PITPNM3: variants seen among roughly 807,000 people sequenced by gnomAD.
PITPNM3 encodes the protein PITPNM family member 3.
In PITPNM3, 26 loss-of-function variants were observed where a neutral mutation model predicts 102.0. That is an observed-to-expected ratio of 0.25 (90% CI 0.19 to 0.35). The LOEUF (loss-of-function observed/expected upper bound fraction) is 0.35, where lower values mean the gene tolerates loss of function less well. Ranked by LOEUF, PITPNM3 falls within the 10% of genes least tolerant of loss-of-function variation. The pLI is 1.00. For missense variants in PITPNM3, 1,083 were observed against 1,346.1 expected (o/e 0.80, Z 3.06); for synonymous variants, 578 against 558.6 (o/e 1.03, Z -0.49).
In PITPNM3 at chr17:6,472,846, C is replaced by T. The variant is rs767694829; in HGVS notation, c.1259-19G>A. ...TGGAAGCCTGGGGTGAGTGGGAAGA[C>T]AGAGGGAAGCCACTTTCTAGTACCT... On this transcript the variant is annotated intron_variant, in intron 10 of 19. Coordinates refer to ENST00000262483, the MANE Select transcript of PITPNM3 (RefSeq NM_031220.4). The surrounding 1 kb of genome is among the most constrained non-coding windows in gnomAD (Gnocchi z 4.1). The T allele has an allele frequency of 2.5e-6, 4 of 1,613,494 alleles. No individual in the cohort carries two copies. Among genetic ancestry groups the T allele is most frequent in the Non-Finnish European group, 3.4e-6 (4 of 1,179,776 alleles).
At chr17:6,550,873 G>A (rs917161725) in intron 1 of PITPNM3, among the ~76,000 whole-genome samples, 1 of 152,226 alleles carries the variant, frequency 6.6e-6, no homozygotes. Context: ...GAACCTCTCT[G>A]TTTGAGCTGC....
rs745742678 is a variant in PITPNM3 at position 6,457,625 on chromosome 17, C to G, written c.2588G>C (p.Arg863Pro). ...LPASQIFIVG[R>P]PTKKYQTQCQ... ...CTGGGTTTGGTACTTCTTGGTGGGCCGGCCCACAATGAAGATCTGGGAGGC... is the reference window on the plus strand; with the variant it reads ...CTGGGTTTGGTACTTCTTGGTGGGCGGGCCCACAATGAAGATCTGGGAGGC... The change falls in exon 19 of 20, where the codon CGG (arginine) becomes CCG (proline). Residue 863 changes from arginine to proline, a missense_variant. Coordinates refer to ENST00000262483, the MANE Select transcript of PITPNM3 (RefSeq NM_031220.4). This position sits in a 1 kb window ranked among gnomAD's most constrained non-coding sequence, Gnocchi z 4.7. 2 of 1,612,240 alleles carry G rather than the reference C, an allele frequency of 1.2e-6. No individual in the cohort carries two copies. The highest frequency in any genetic ancestry group is 1.3e-5 in the African/African-American group (1 of 74,552).
At chr17:6,527,565 A>C (rs551128242) in intron 2 of PITPNM3, among the ~76,000 whole-genome samples, 34 of 152,222 alleles carry the variant, frequency 2.2e-4, no homozygotes, top group Admixed American at 4.6e-4. Flanking sequence ...GTTGGCCCCT[A>C]TGACATTCTA....
chr17:6,465,497 CT>C (rs113744311), intron 14 of PITPNM3, among the ~76,000 whole-genome samples: 8 of 151,730 alleles, frequency 5.3e-5, no homozygotes, highest in Non-Finnish European at 1.0e-4. Context: ...TACTATCTGT[CT>C]TTTTTTTTAA....
intron 3 of PITPNM3, among the ~76,000 whole-genome samples, chr17:6,510,666 T>C (rs1907816117): frequency 1.3e-5 from 2 of 152,238 alleles, no homozygotes; most frequent in Non-Finnish European, 2.9e-5. Flanking sequence ...GAGTGCACAG[T>C]GAGCCCCTCA....
In PITPNM3 at chr17:6,455,528, G is replaced by C. The variant is rs570165186; in HGVS notation, c.2735C>G (p.Ala912Gly). The C allele has an allele frequency of 1.9e-6, 3 of 1,605,042 alleles. No individual in the cohort carries two copies. Among genetic ancestry groups the C allele is most frequent in the African/African-American group, 2.7e-5 (2 of 74,548 alleles). Reference sequence around the variant, plus strand: ...GCGCTTCCGCAGGAACTCTGGCTGCGCGTGCAGCCCGAAGCTGCCCTTGCG... The same window carrying C: ...GCGCTTCCGCAGGAACTCTGGCTGCCCGTGCAGCCCGAAGCTGCCCTTGCG... Reference protein sequence around the residue: ...ILRKGSFGLHAQPEFLRKRNH... With the variant: ...ILRKGSFGLHGQPEFLRKRNH... Residue 912 changes from alanine to glycine, a missense_variant, in exon 20 of 20, where the codon GCG becomes GGG. By Grantham distance (60) the Ala-to-Gly change is moderately conservative. Coordinates refer to ENST00000262483, the MANE Select transcript of PITPNM3 (RefSeq NM_031220.4).
At chr17:6,545,276 C>A (rs965586438) in intron 1 of PITPNM3, among the ~76,000 whole-genome samples, 2 of 152,136 alleles carry the variant, frequency 1.3e-5, no homozygotes, top group Non-Finnish European at 1.5e-5. Flanking sequence ...TATAAAAGGG[C>A]GTGTTAAATA....
intron 4 of PITPNM3, among the ~76,000 whole-genome samples, chr17:6,491,705 T>C (rs58623758): frequency 0.014 from 2,132 of 151,444 alleles, 46 homozygotes; most frequent in African/African-American, 0.049. Flanking sequence ...AAAGGAAAAA[T>C]GACAATCTAA....
intron 2 of PITPNM3, among the ~76,000 whole-genome samples, chr17:6,536,494 A>G (rs549104350): frequency 8.6e-4 from 131 of 152,324 alleles, no homozygotes; most frequent in Non-Finnish European, 1.4e-3. Flanking sequence ...GACAGGCCCC[A>G]AATGGGCTGG....
intron 4 of PITPNM3, among the ~76,000 whole-genome samples, chr17:6,493,842 CA>C (rs2150595247): frequency 6.6e-6 from 1 of 152,342 alleles, no homozygotes; most frequent in East Asian, 1.9e-4. Context: ...TTAGATACCC[CA>C]AGTGAACACG....
intron 17 of PITPNM3, among the ~76,000 whole-genome samples, chr17:6,462,907 G>A (rs572357687): frequency 1.1e-3 from 162 of 152,222 alleles, no homozygotes; most frequent in African/African-American, 3.6e-3. Context: ...GGAGCACCCT[G>A]GAGCCCATGG....
chr17:6,556,368 CCCGCGCCCGCCCTCA>C lies in PITPNM3; in HGVS notation c.22+2_22+16del. 7.1e-7 allele frequency: 1 copy of C among 1,398,774 alleles called. No homozygotes were observed. The highest frequency in any genetic ancestry group is 9.3e-7 in the Non-Finnish European group (1 of 1,074,178). 86.6% of individuals were successfully genotyped at this position (1,398,774 alleles called of 1,614,324 possible). Reference sequence around the variant, plus strand: ...TCCCCCGGGCCCCGGCCCTGCCCTCCCCGCGCCCGCCCTCACCTGCACGGCCCGCCTTGGCCATGT... The same window carrying C: ...TCCCCCGGGCCCCGGCCCTGCCCTCCCCTGCACGGCCCGCCTTGGCCATGT... On this transcript the variant is annotated splice_donor_variant and splice_donor_5th_base_variant and intron_variant, in intron 1 of 19. Transcript: ENST00000262483. LOFTEE classifies it high-confidence loss of function. This position sits in a 1 kb window ranked among gnomAD's most constrained non-coding sequence, Gnocchi z 5.2.
At chr17:6,464,069 G>C in intron 16 of PITPNM3, 101 bp downstream of exon 16, 1 of 1,581,802 alleles carries the variant, frequency 6.3e-7, no homozygotes, top group Non-Finnish European at 8.7e-7. Context: ...CAGAGATGGG[G>C]GCCCACAAAG....
chr17:6,516,726 C>T (rs1456844106), intron 3 of PITPNM3, among the ~76,000 whole-genome samples: 1 of 151,608 alleles, frequency 6.6e-6, no homozygotes, highest in African/African-American at 2.4e-5. Context: ...AATACAAGGA[C>T]TAAAGATGTA....
intron 3 of PITPNM3, among the ~76,000 whole-genome samples, chr17:6,506,336 CTCCT>C (rs1019278325): frequency 2.0e-5 from 3 of 150,032 alleles, no homozygotes; most frequent in African/African-American, 4.9e-5. Flanking sequence ...CTTTCTTTCT[CTCCT>C]TCCTTCCTTC....
rs1904949219 is a variant in PITPNM3, at chr17:6,469,440, C to G, written c.1773+820G>C. Among the ~76,000 whole-genome samples the G allele has an allele frequency of 6.6e-6, 1 of 151,020 alleles. No individual in the cohort carries two copies. The highest frequency in any genetic ancestry group is 1.5e-5 in the Non-Finnish European group (1 of 67,926). ...CCCCCAAGAACCTACAAACAAAACT[C>G]ACTTTCCTCCGCCCCCTGCCCAGCC... On this transcript the variant is annotated intron_variant, in intron 13 of 19. Transcript: ENST00000262483. This position sits in a 1 kb window ranked among gnomAD's most constrained non-coding sequence, Gnocchi z 4.0.
Position 6,478,908 on chromosome 17 carries a change from G to A in PITPNM3, c.588-172C>T. 1.6e-6 allele frequency: 1 copy of A among 645,108 alleles called. No homozygotes were observed. 40.0% of individuals were successfully genotyped at this position (645,108 alleles called of 1,614,324 possible). ...CACAGAGCACAGGCAGTGTGGGGAG[G>A]AGAGGGGAAGAGGATTCAAGCCTAC... On this transcript the variant is annotated intron_variant, in intron 6 of 19. Transcript: ENST00000262483. The surrounding 1 kb of genome is among the most constrained non-coding windows in gnomAD (Gnocchi z 4.4).
Position 6,528,407 on chromosome 17 carries a change from G to T in PITPNM3, c.119-2944C>A, listed in dbSNP as rs562468005. 3.0e-4 allele frequency among the ~76,000 whole-genome samples: 46 copies of T among 152,098 alleles called. 1 individual carries two copies. Among genetic ancestry groups the T allele is most frequent in the African/African-American group, 1.1e-3 (46 of 41,466 alleles). ...CTCCAGCCCCCTGCTCCCTAAGGGT[G>T]TTCTCCCTCCCCTCCCTGTTCTCTC... On this transcript the variant is annotated intron_variant, in intron 2 of 19. Transcript: ENST00000262483.
chr17:6,525,324 ACATCC>A, intron 3 of PITPNM3, 27 bp downstream of exon 3: 1 of 1,593,530 alleles, frequency 6.3e-7, no homozygotes, highest in East Asian at 2.2e-5. Flanking sequence ...ACCTATGTGC[ACATCC>A]TGGTCATGAG....
Sources: gnomAD v4.1 joint callset for allele counts (sites outside exome capture counted in the v4.1 genomes callset) on GRCh38, gnomAD v4.1.1 for gene constraint, Gnocchi (gnomAD v3.1) non-coding constraint, MANE v1.5 for transcripts, NCBI Gene and HGNC (gene_info 2026-07-23, HGNC 2026-07-21) for gene names.